The following KCNIP1 variants were observed in gnomAD, a reference collection of about 807,000 sequenced individuals.
The protein encoded by KCNIP1 is potassium voltage-gated channel interacting protein 1, also known as A-type potassium channel modulatory protein KCNIP1.
Under a neutral mutation model 33.0 loss-of-function variants are expected in KCNIP1, and 18 were observed. The observed-to-expected ratio is 0.55, with a 90% CI of 0.38 to 0.81. KCNIP1 has a LOEUF of 0.81. Among genes scored for constraint, KCNIP1 ranks in the 30% least tolerant of loss-of-function variants. The pLI, the probability that KCNIP1 is intolerant of heterozygous loss-of-function variation, is 0.00. For missense variants in KCNIP1, 238 were observed against 271.6 expected (o/e 0.88, Z 0.87); for synonymous variants, 93 against 98.3 (o/e 0.95, Z 0.32).
In KCNIP1 at chr5:170,615,993, T is replaced by G. The variant is rs531652769; in HGVS notation, c.62-102765T>G. On this transcript the variant is annotated intron_variant, in intron 1 of 7. Coordinates refer to ENST00000328939, the MANE Select transcript of KCNIP1 (RefSeq NM_014592.4). The stretch of plus-strand genomic sequence containing the variant: ...CTTGGAAGAGGCAGGACTGAGATGT[T>G]TGGGAACAAGACCACTTTCACAGGG... 6.6e-5 allele frequency among the ~76,000 whole-genome samples: 10 copies of G among 152,256 alleles called. No individual in the cohort carries two copies. In the South Asian group the frequency reaches 2.1e-3, roughly 32 times the overall value.
At chr5:170,610,778 G>A (rs17072775) in intron 1 of KCNIP1, among the ~76,000 whole-genome samples, 25,890 of 152,172 alleles carry the variant, frequency 0.17, 2,435 homozygotes, top group Non-Finnish European at 0.21. Context: ...ATGTTCCCAC[G>A]ATTATGAACT....
intron 1 of KCNIP1, among the ~76,000 whole-genome samples, chr5:170,359,980 G>A (rs539837094): frequency 6.6e-6 from 1 of 152,280 alleles, no homozygotes; most frequent in East Asian, 1.9e-4. Context: ...TTAACTTCAG[G>A]ACCACAGGGG....
intron 1 of KCNIP1, among the ~76,000 whole-genome samples, chr5:170,657,247 C>G (rs1170695749): frequency 6.6e-6 from 1 of 152,110 alleles, no homozygotes; most frequent in Middle Eastern, 3.2e-3. Context: ...CTGAGCACCT[C>G]GATCTCCCAA....
chr5:170,376,918 A>G (rs1347278295), intron 1 of KCNIP1: 2 of 152,228 alleles, frequency 1.3e-5, no homozygotes, highest in African/African-American at 4.8e-5. Context: ...AAAAAACTAT[A>G]GTTGCCATTT....
chr5:170,484,609 T>C (rs1025437314), intron 1 of KCNIP1, among the ~76,000 whole-genome samples: 2 of 152,102 alleles, frequency 1.3e-5, no homozygotes, highest in Non-Finnish European at 2.9e-5. Flanking sequence ...CTTCCTCTTC[T>C]CTTTCTGTTG....
At chr5:170,701,526 T>G (rs1401245032) in intron 1 of KCNIP1, among the ~76,000 whole-genome samples, 2 of 152,166 alleles carry the variant, frequency 1.3e-5, no homozygotes, top group Non-Finnish European at 2.9e-5. Flanking sequence ...CTAACTCAGC[T>G]AATTAATCCC....
chr5:170,432,701 G>A (rs1755771589), intron 1 of KCNIP1, among the ~76,000 whole-genome samples: 1 of 150,452 alleles, frequency 6.6e-6, no homozygotes, highest in Admixed American at 6.6e-5. Context: ...AAGATGCAGT[G>A]AGCAGCCATT....
At chr5:170,408,776 C>T (rs955287712) in intron 1 of KCNIP1, among the ~76,000 whole-genome samples, 17 of 152,104 alleles carry the variant, frequency 1.1e-4, no homozygotes, top group Non-Finnish European at 2.1e-4. Flanking sequence ...GTCAAAAAAA[C>T]CTTAGCTGAA....
chr5:170,564,675 T>C, intron 1 of KCNIP1, among the ~76,000 whole-genome samples: 1 of 152,200 alleles, frequency 6.6e-6, no homozygotes, highest in East Asian at 1.9e-4. Flanking sequence ...GTTCTTGCCA[T>C]GGGAGGTGGG....
intron 1 of KCNIP1, among the ~76,000 whole-genome samples, chr5:170,433,064 C>A (rs962711806): frequency 7.9e-5 from 12 of 151,916 alleles, no homozygotes; most frequent in Non-Finnish European, 4.4e-5. Context: ...GGCTCTCAAT[C>A]CAGACACACA....
chr5:170,558,595 C>T (rs1019890433), intron 1 of KCNIP1, among the ~76,000 whole-genome samples: 11 of 152,170 alleles, frequency 7.2e-5, no homozygotes, highest in Admixed American at 5.9e-4. Flanking sequence ...GAAGCTGCAT[C>T]CCAGCAGCTG....
At chr5:170,485,840 T>A (rs1055864296) in intron 1 of KCNIP1, 1 of 152,616 alleles carries the variant, frequency 6.6e-6, no homozygotes, top group East Asian at 1.9e-4. Flanking sequence ...GAAAACAGAC[T>A]GGAAAAGGCT....
At chr5:170,654,661 G>A (rs1201092191) in intron 1 of KCNIP1, among the ~76,000 whole-genome samples, 3 of 152,170 alleles carry the variant, frequency 2.0e-5, no homozygotes, top group Non-Finnish European at 4.4e-5. Context: ...TGCATATCAA[G>A]CATCTGGAAG....
At chr5:170,448,253 A>C (rs1223092264) in intron 1 of KCNIP1, among the ~76,000 whole-genome samples, 2 of 152,196 alleles carry the variant, frequency 1.3e-5, no homozygotes, top group Admixed American at 1.3e-4. Flanking sequence ...GGCAGCATGG[A>C]GCAGCTTCAG....
At chr5:170,413,229 G>T (rs573807679) in intron 1 of KCNIP1, among the ~76,000 whole-genome samples, 66 of 152,324 alleles carry the variant, frequency 4.3e-4, no homozygotes, top group Non-Finnish European at 7.5e-4. Context: ...GGACTGCGGG[G>T]TCTTGGTAGA....
intron 1 of KCNIP1, among the ~76,000 whole-genome samples, chr5:170,390,793 C>T (rs1005859361): frequency 2.6e-5 from 4 of 151,906 alleles, no homozygotes; most frequent in Admixed American, 6.6e-5. Context: ...AAAATCACCT[C>T]GATCATACAG....
At chr5:170,360,661 A>G (rs1763484184) in intron 1 of KCNIP1, among the ~76,000 whole-genome samples, 1 of 152,190 alleles carries the variant, frequency 6.6e-6, no homozygotes, top group Non-Finnish European at 1.5e-5. Flanking sequence ...TCTTGATGAC[A>G]AGTTCTATAA....
At chr5:170,576,765 T>C (rs1757619094) in intron 1 of KCNIP1, among the ~76,000 whole-genome samples, 1 of 152,236 alleles carries the variant, frequency 6.6e-6, no homozygotes, top group Non-Finnish European at 1.5e-5. Flanking sequence ...AATGTTTGCT[T>C]CTGTCTCACT....
chr5:170,359,255 G>A (rs1280079533), intron 1 of KCNIP1, among the ~76,000 whole-genome samples: 2 of 152,196 alleles, frequency 1.3e-5, no homozygotes, highest in Non-Finnish European at 2.9e-5. Context: ...AGTGTGAGAA[G>A]TGTTCTTGGG....
Sources: gnomAD v4.1 joint callset for allele counts (sites outside exome capture counted in the v4.1 genomes callset) on GRCh38, gnomAD v4.1.1 for gene constraint, MANE v1.5 for transcripts, NCBI Gene and HGNC (gene_info 2026-07-23, HGNC 2026-07-21) for gene names.